Variants in SLC30A10 observed in about 807,000 individuals in gnomAD.
SLC30A10 encodes calcium/manganese antiporter SLC30A10.
A neutral mutation model predicts 21.7 loss-of-function variants in SLC30A10; 8 were observed. That is an observed-to-expected ratio of 0.37 (90% confidence interval 0.22 to 0.67). The LOEUF is 0.67. Ranked by LOEUF, SLC30A10 falls within the 30% of genes least tolerant of loss-of-function variation. The probability of loss-of-function intolerance (pLI) is 0.58; values close to 1 mark genes in which losing one functional copy is unlikely to be tolerated. For synonymous variants in SLC30A10, 272 were observed against 279.4 expected, an observed-to-expected ratio of 0.97 and a Z score of 0.26; for missense variants, 521 against 642.5, an observed-to-expected ratio of 0.81 and a Z score of 2.04.
In SLC30A10 at chr1:219,918,348, T is replaced by A. The variant is rs1223498729; in HGVS notation, c.865A>T (p.Ile289Phe). ...IDPSLTVLMVIIILSSAFPLI... is the reference protein window; with the variant it reads ...IDPSLTVLMVFIILSSAFPLI... ...GGGAAGGCAGATGACAAAATGATGA[T>A]GACCATGAGGACAGTCAGGCTGGGG... Residue 289 changes from isoleucine to phenylalanine, a missense_variant, in exon 3 of 4, where the codon ATC becomes TTC. By Grantham distance (21) the Ile-to-Phe change is conservative. Coordinates refer to ENST00000366926, the MANE Select transcript of SLC30A10 (RefSeq NM_018713.3). The surrounding 1 kb of genome is among the most constrained non-coding windows in gnomAD (Gnocchi z 4.4). 1 of 1,614,110 alleles carries A rather than the reference T, an allele frequency of 6.2e-7. No homozygotes were observed. The highest frequency in any genetic ancestry group is 8.5e-7 in the Non-Finnish European group (1 of 1,180,020).
At chr1:219,944,711 C>A (rs907643837) in intron 1 of SLC30A10, among the ~76,000 whole-genome samples, 1 of 152,056 alleles carries the variant, frequency 6.6e-6, no homozygotes, top group African/African-American at 2.4e-5. Flanking sequence ...ATACCTAGAG[C>A]AACTACTAAC....
chr1:219,927,706 G>T, intron 1 of SLC30A10, 95 bp downstream of exon 1: 6 of 935,824 alleles, frequency 6.4e-6, no homozygotes, highest in Non-Finnish European at 8.6e-6. Flanking sequence ...AAAAAAGCAT[G>T]CAGAAGAAAA....
intron 2 of SLC30A10, among the ~76,000 whole-genome samples, chr1:219,919,854 A>C (rs1172886041): frequency 6.6e-6 from 1 of 152,018 alleles, no homozygotes; most frequent in Non-Finnish European, 1.5e-5. Flanking sequence ...AAGAAAGCAT[A>C]TATATTAAGA....
intron 2 of SLC30A10, among the ~76,000 whole-genome samples, chr1:219,921,505 T>C (rs1659675404): frequency 6.6e-6 from 1 of 152,108 alleles, no homozygotes; most frequent in African/African-American, 2.4e-5. Flanking sequence ...CCCCTAAGAA[T>C]TACATAAAAT....
rs1659423077 is a variant in SLC30A10, at chr1:219,911,918, G to A, written c.*3531C>T. ...CCGGCATTTATGCATAGCGGTCAGG[G>A]GTGCAGCTAAACATCCTACAGTACA... On this transcript the variant is annotated 3_prime_UTR_variant, in exon 4 of 4. Coordinates refer to ENST00000366926, the MANE Select transcript of SLC30A10 (RefSeq NM_018713.3). 6.6e-6 allele frequency among the ~76,000 whole-genome samples: 1 copy of A among 151,762 alleles called. No homozygotes were observed. The highest frequency in any genetic ancestry group is 2.4e-5 in the African/African-American group (1 of 41,302).
intron 1 of SLC30A10, among the ~76,000 whole-genome samples, chr1:219,956,724 G>T (rs1660360264): frequency 6.6e-6 from 1 of 151,134 alleles, no homozygotes; most frequent in Non-Finnish European, 1.5e-5. Context: ...TGAAACATTT[G>T]TCTTAAGCCT....
chr1:219,932,124 C>T (rs1012932158), upstream of SLC30A10, among the ~76,000 whole-genome samples: 7 of 149,862 alleles, frequency 4.7e-5, no homozygotes, highest in Non-Finnish European at 8.9e-5. Context: ...AGTGCAATAG[C>T]GTGATCTCAG....
intron 2 of SLC30A10, among the ~76,000 whole-genome samples, chr1:219,924,207 G>C (rs1367149635): frequency 6.6e-6 from 1 of 152,208 alleles, no homozygotes; most frequent in Non-Finnish European, 1.5e-5. Context: ...GTGGGACACA[G>C]TCCTGCTTTC....
chr1:219,917,708 CTTTTTTT>C (rs35106027), intron 3 of SLC30A10, among the ~76,000 whole-genome samples: 2 of 104,106 alleles, frequency 1.9e-5, no homozygotes, highest in South Asian at 3.1e-4. Flanking sequence ...TTTTTCTTTC[CTTTTTTT>C]TTTTTTTTTT....
chr1:219,917,708 C>CTTTTTTTTT (rs35106027), intron 3 of SLC30A10, among the ~76,000 whole-genome samples: 8 of 104,076 alleles, frequency 7.7e-5, no homozygotes, highest in African/African-American at 1.6e-4. Context: ...TTTTTCTTTC[C>CTTTTTTTTT]TTTTTTTTTT....
intron 1 of SLC30A10, among the ~76,000 whole-genome samples, chr1:219,941,072 C>T (rs888121352): frequency 6.6e-6 from 1 of 152,158 alleles, no homozygotes; most frequent in Non-Finnish European, 1.5e-5. Context: ...GACCAGCTTA[C>T]GAACTTGATT....
At chr1:219,916,709 G>C (rs6665491) in intron 3 of SLC30A10, among the ~76,000 whole-genome samples, 3,660 of 152,208 alleles carry the variant, frequency 0.024, 129 homozygotes, top group African/African-American at 0.08. Context: ...GGTATTCAGT[G>C]CTGATTTGAG....
At position 219,911,772 on chromosome 1, in the gene SLC30A10, A is replaced by G. The variant is rs983822626; in HGVS notation, c.*3677T>C. Among the ~76,000 whole-genome samples, 2 of 152,188 alleles carry G rather than the reference A, an allele frequency of 1.3e-5. No individual in the cohort carries two copies. Among genetic ancestry groups the G allele is most frequent in the Non-Finnish European group, 2.9e-5 (2 of 68,040 alleles). On this transcript the variant is annotated 3_prime_UTR_variant, in exon 4 of 4. Transcript: ENST00000366926. The stretch of plus-strand genomic sequence containing the variant: ...TGGGACTTTGGAGAGGCTTTCATTA[A>G]CATTGTCCCTAAACTACCCTTAGTT...
At chr1:219,950,507 C>T (rs1285219269) in intron 1 of SLC30A10, among the ~76,000 whole-genome samples, 3 of 152,038 alleles carry the variant, frequency 2.0e-5, no homozygotes, top group Non-Finnish European at 4.4e-5. Context: ...GGCATGGTGG[C>T]GGGTGCCTGT....
chr1:219,939,617 A>T (rs1660092055), intron 1 of SLC30A10, among the ~76,000 whole-genome samples: 1 of 152,030 alleles, frequency 6.6e-6, no homozygotes, highest in South Asian at 2.1e-4. Flanking sequence ...TTTAGTAGAG[A>T]GGGGGTTTCA....
intron 1 of SLC30A10, among the ~76,000 whole-genome samples, chr1:219,955,298 T>G (rs963920990): frequency 1.3e-5 from 2 of 152,184 alleles, no homozygotes; most frequent in Non-Finnish European, 1.5e-5. Flanking sequence ...TTTTTTACTT[T>G]TTTCACTTTG....
chr1:219,928,994 T>C (rs1017204563), upstream of SLC30A10, among the ~76,000 whole-genome samples: 9 of 152,174 alleles, frequency 5.9e-5, no homozygotes, highest in Non-Finnish European at 8.8e-5. This position sits in a 1 kb window ranked among gnomAD's most constrained non-coding sequence, Gnocchi z 6.3. Context: ...CGGTGCAGAT[T>C]CCATATTAAT....
In SLC30A10 at chr1:219,951,448, G is replaced by A. The variant is rs374619268; in HGVS notation, n.80+7120C>T. ...AGAAACAGGGACTTGGGGGCCGGGCGCGGTGGCTCACGCCTGTAATCCCAG... is the reference window on the plus strand; with the variant it reads ...AGAAACAGGGACTTGGGGGCCGGGCACGGTGGCTCACGCCTGTAATCCCAG... On this transcript the variant is annotated intron_variant and non_coding_transcript_variant, in intron 1 of 8. Transcript: ENST00000484239. 4.0e-4 allele frequency among the ~76,000 whole-genome samples: 60 copies of A among 151,742 alleles called. 1 individual carries two copies. Among genetic ancestry groups the A allele is most frequent in the African/African-American group, 1.3e-3 (52 of 41,426 alleles).
chr1:219,935,385 A>C (rs1477225322), intron 1 of SLC30A10, among the ~76,000 whole-genome samples: 3 of 152,224 alleles, frequency 2.0e-5, no homozygotes, highest in Non-Finnish European at 4.4e-5. Flanking sequence ...TTGTGGAAAT[A>C]ATTTTGTGTG....
Sources: allele counts gnomAD v4.1 joint callset (sites outside exome capture counted in the v4.1 genomes callset), GRCh38; gene constraint gnomAD v4.1.1; non-coding constraint Gnocchi (gnomAD v3.1); transcripts MANE v1.5; gene names NCBI Gene and HGNC (gene_info 2026-07-23, HGNC 2026-07-21).